The following OIP5 variants were observed in gnomAD, a reference collection of about 807,000 sequenced individuals.
OIP5 encodes Opa interacting protein 5.
OIP5 carries 24 observed loss-of-function variants against 20.3 expected under a neutral mutation model. That is an observed-to-expected ratio of 1.18 (90% confidence interval 0.86 to 1.66). The LOEUF (loss-of-function observed/expected upper bound fraction) is 1.66, where lower values mean the gene tolerates loss of function less well. Among genes scored for constraint, OIP5 ranks in the 40% most tolerant of loss-of-function variants. OIP5 has a pLI of 0.00. For missense variants in OIP5, 339 were observed against 289.5 expected (o/e 1.17, Z -1.24); for synonymous variants, 143 against 121.3 (o/e 1.18, Z -1.17).
intron 1 of OIP5, 67 bp downstream of exon 1, chr15:41,332,173 G>A: frequency 1.3e-6 from 2 of 1,489,610 alleles, no homozygotes; most frequent in Non-Finnish European, 9.1e-7. Flanking sequence ...TCCGCCACCC[G>A]GTGGAGAAAG....
chr15:41,310,498 C>T (rs1366387048), intron 4 of OIP5, among the ~76,000 whole-genome samples: 1 of 152,004 alleles, frequency 6.6e-6, no homozygotes, highest in African/African-American at 2.4e-5. Context: ...GGCACGGTGG[C>T]GGGCGCCTGT....
At chr15:41,331,534 A>T (rs2047913415) in intron 2 of OIP5, among the ~76,000 whole-genome samples, 1 of 152,224 alleles carries the variant, frequency 6.6e-6, no homozygotes, top group Non-Finnish European at 1.5e-5. Context: ...GTAGTGAGCT[A>T]TGAGCGCACC....
intron 4 of OIP5, among the ~76,000 whole-genome samples, chr15:41,311,349 G>C (rs967315858): frequency 1.3e-5 from 2 of 152,058 alleles, no homozygotes; most frequent in Non-Finnish European, 2.9e-5. Context: ...GGAGGAGGGG[G>C]TTGCAGTGAC....
At position 41,332,486 on chromosome 15, in the gene OIP5, T is replaced by G; in HGVS notation, c.76A>C (p.Arg26=). 3.1e-6 allele frequency: 5 copies of G among 1,614,048 alleles called. No homozygotes were observed. Among genetic ancestry groups the G allele is most frequent in the Non-Finnish European group, 4.2e-6 (5 of 1,179,922 alleles). Residue 26 remains arginine (R), a synonymous_variant, in exon 1 of 5, where the codon AGG becomes CGG. Transcript: ENST00000220514. ...PRGDFCGGTE[R]AIDQASFTTS... ...GTAAAAGAAGCTTGGTCAATCGCCC[T>G]CTCAGTGCCACCACAAAAGTCCCCC...
intron 2 of OIP5, among the ~76,000 whole-genome samples, chr15:41,320,568 G>A (rs947020836): frequency 6.6e-6 from 1 of 152,160 alleles, no homozygotes; most frequent in Non-Finnish European, 1.5e-5. Context: ...ACGGAGTCTC[G>A]TCTCGTTCAC....
At position 41,313,353 on chromosome 15, in the gene OIP5, A is replaced by G; in HGVS notation, c.514T>C (p.Tyr172His). 1 of 1,568,140 alleles carries G rather than the reference A, an allele frequency of 6.4e-7. No homozygotes were observed. ...FCLSSDKMVC[Y>H]LLKTKAIVNA... is the part of the protein sequence containing the mutation. ...ACTATGGCTTTTGTTTTTAAGAGAT[A>G]GCTAGATAGGAAAAAAGAAAAATAT... Residue 172 changes from tyrosine to histidine, a missense_variant and splice_region_variant, in exon 4 of 5, where the codon TAT (tyrosine) becomes CAT (histidine). Transcript: ENST00000220514.
intron 2 of OIP5, among the ~76,000 whole-genome samples, chr15:41,321,513 C>T (rs1201746791): frequency 2.6e-5 from 4 of 152,182 alleles, no homozygotes; most frequent in African/African-American, 4.8e-5. Flanking sequence ...ATTGAGAAAT[C>T]GGATGGCTGC....
chr15:41,331,491 G>C (rs2047912098), intron 2 of OIP5, among the ~76,000 whole-genome samples: 2 of 152,310 alleles, frequency 1.3e-5, no homozygotes, highest in Admixed American at 1.3e-4. Flanking sequence ...GGGTGAGGTT[G>C]GGAGGATAGC....
intron 4 of OIP5, among the ~76,000 whole-genome samples, chr15:41,312,894 C>A (rs897159933): frequency 5.3e-5 from 8 of 152,154 alleles, no homozygotes; most frequent in Non-Finnish European, 1.2e-4. Flanking sequence ...TACCAAAGTG[C>A]TGGGATTACA....
At position 41,309,793 on chromosome 15, in the gene OIP5, C is replaced by G. The variant is rs1278528495; in HGVS notation, c.651G>C (p.Leu217=). 6.2e-7 allele frequency: 1 copy of G among 1,614,038 alleles called. No homozygotes were observed. Among genetic ancestry groups the G allele is most frequent in the Non-Finnish European group, 8.5e-7 (1 of 1,179,920 alleles). The change falls in exon 5 of 5, where the codon CTG becomes CTC. Residue 217 remains leucine, a synonymous_variant. Coordinates refer to ENST00000220514, the MANE Select transcript of OIP5 (RefSeq NM_007280.2). ...TGGACTGGTCAGGAGTCACTTCACT[C>G]AGAATCTTCATTAGTGATTTTAAGC... is the stretch of plus-strand genomic sequence containing the variant. The part of the protein sequence containing the change: ...HNRLKSLMKI[L]SEVTPDQSKP...
chr15:41,321,557 CTT>C (rs2047828674), intron 2 of OIP5, among the ~76,000 whole-genome samples: 2 of 152,144 alleles, frequency 1.3e-5, no homozygotes, highest in Non-Finnish European at 2.9e-5. Context: ...ACATGGGAGA[CTT>C]TTCATTTTGT....
chr15:41,321,948 T>TA (rs1238724759), intron 2 of OIP5, among the ~76,000 whole-genome samples: 1 of 132,300 alleles, frequency 7.6e-6, no homozygotes, highest in African/African-American at 3.0e-5. Flanking sequence ...AATAAATAAA[T>TA]AAAAAAGAAA....
At chr15:41,330,920 C>T (rs958472187) in intron 2 of OIP5, among the ~76,000 whole-genome samples, 4 of 152,124 alleles carry the variant, frequency 2.6e-5, no homozygotes, top group Non-Finnish European at 5.9e-5. Context: ...AGAATACACC[C>T]AATTCCAAGC....
In OIP5 at chr15:41,332,496, ACCAC is replaced by A; in HGVS notation, c.62_65del (p.Cys21LeufsTer23). 1.2e-6 allele frequency: 2 copies of A among 1,613,910 alleles called. No homozygotes were observed. The highest frequency in any genetic ancestry group is 1.7e-6 in the Non-Finnish European group (2 of 1,179,894). On this transcript the variant is annotated frameshift_variant, in exon 1 of 5. Coordinates refer to ENST00000220514, the MANE Select transcript of OIP5 (RefSeq NM_007280.2). LOFTEE classifies it high-confidence loss of function. The stretch of plus-strand genomic sequence containing the variant: ...CTTGGTCAATCGCCCTCTCAGTGCC[ACCAC>A]AAAAGTCCCCCCGGGGCGGCGTTGC...
At chr15:41,312,435 A>T (rs1368588647) in intron 4 of OIP5, among the ~76,000 whole-genome samples, 1 of 152,202 alleles carries the variant, frequency 6.6e-6, no homozygotes, top group African/African-American at 2.4e-5. Flanking sequence ...TGCTGGGATT[A>T]CAGGCGTGAG....
intron 2 of OIP5, among the ~76,000 whole-genome samples, chr15:41,325,786 G>A (rs1262496154): frequency 6.8e-6 from 1 of 146,194 alleles, no homozygotes; most frequent in Non-Finnish European, 1.5e-5. Flanking sequence ...GGATGTGGAG[G>A]TTGCAGTGAG....
In OIP5 at chr15:41,332,453, T is replaced by G. The variant is rs200477785; in HGVS notation, c.109A>C (p.Met37Leu). The G allele has an allele frequency of 6.2e-7, 1 of 1,613,976 alleles. No homozygotes were observed. Among genetic ancestry groups the G allele is most frequent in the African/African-American group, 1.3e-5 (1 of 75,046 alleles). Residue 37 changes from methionine to leucine, a missense_variant, in exon 1 of 5, where the codon ATG becomes CTG. Met to Leu is a conservative substitution (Grantham distance 15, BLOSUM62 2). Transcript: ENST00000220514. ...TTCACCACCTGCGTATCCCACTCCATGGAGGTCGTAAAAGAAGCTTGGTCA... is the reference window on the plus strand; with the variant it reads ...TTCACCACCTGCGTATCCCACTCCAGGGAGGTCGTAAAAGAAGCTTGGTCA... ...AIDQASFTTS[M>L]EWDTQVVKGS...
At chr15:41,315,901 T>G (rs1350069114) in intron 3 of OIP5, among the ~76,000 whole-genome samples, 3 of 151,956 alleles carry the variant, frequency 2.0e-5, no homozygotes, top group African/African-American at 7.3e-5. Flanking sequence ...TCCCAGCACT[T>G]TAGGTGGCCA....
chr15:41,332,249 C>A lies in OIP5; in HGVS notation c.313G>T (p.Val105Phe), dbSNP rs1310509925. The change falls in exon 1 of 5, where the codon GTC becomes TTC. Residue 105 changes from valine (V) to phenylalanine (F), a missense_variant. Physicochemically the swap from Val to Phe is conservative, Grantham distance 50. Transcript: ENST00000220514. ...WDLSRSLGAV[V>F]FSRVTNNVVL... ...GCTTCACTGCACTCACTGGAGAAGA[C>A]CACGGCCCCGAGGGACCGCGACAGG... 1.9e-6 allele frequency: 3 copies of A among 1,545,754 alleles called. No homozygotes were observed. The highest frequency in any genetic ancestry group is 1.7e-6 in the Non-Finnish European group (2 of 1,148,044).
Sources: gnomAD v4.1 joint callset for allele counts (sites outside exome capture counted in the v4.1 genomes callset) on GRCh38, gnomAD v4.1.1 for gene constraint, MANE v1.5 for transcripts, NCBI Gene and HGNC (gene_info 2026-07-23, HGNC 2026-07-21) for gene names.